Variants in GNAQ observed in about 807,000 individuals in gnomAD.
GNAQ encodes the protein guanine nucleotide-binding protein G(q) subunit alpha.
Under a neutral mutation model 43.9 loss-of-function variants are expected in GNAQ, and 8 were observed. The observed-to-expected ratio is 0.18, with a 90% CI of 0.11 to 0.33. The LOEUF is 0.33. Among genes scored for constraint, GNAQ ranks in the 10% least tolerant of loss-of-function variants. The probability of loss-of-function intolerance (pLI) is 1.00; values close to 1 mark genes in which losing one functional copy is unlikely to be tolerated. For missense variants in GNAQ, 158 were observed against 450.8 expected (o/e 0.35, Z 5.88); for synonymous variants, 155 against 170.7 (o/e 0.91, Z 0.71).
At chr9:77,726,087 T>C (rs1272310893) in intron 6 of GNAQ, among the ~76,000 whole-genome samples, 6 of 152,144 alleles carry the variant, frequency 3.9e-5, no homozygotes, top group Non-Finnish European at 8.8e-5. Context: ...TGTATTCAGG[T>C]AGATGTGTTT....
chr9:77,792,663 ACAT>A (rs539607359), intron 5 of GNAQ, among the ~76,000 whole-genome samples: 62 of 152,248 alleles, frequency 4.1e-4, no homozygotes, highest in Non-Finnish European at 7.4e-4. Context: ...GATAAGTATT[ACAT>A]CATGACATAT....
intron 2 of GNAQ, among the ~76,000 whole-genome samples, chr9:77,873,601 A>T (rs1273916102): frequency 6.6e-6 from 1 of 152,170 alleles, no homozygotes; most frequent in Non-Finnish European, 1.5e-5. Context: ...AAGGGATGGG[A>T]AAGACTGGCA....
intron 1 of GNAQ, among the ~76,000 whole-genome samples, chr9:78,013,462 G>A (rs557694120): frequency 5.1e-3 from 750 of 146,260 alleles, no homozygotes; most frequent in South Asian, 0.012. Flanking sequence ...ATCCCTCCCC[G>A]CTCCCCCCAC....
chr9:77,945,348 AAG>A (rs893923558), intron 1 of GNAQ, among the ~76,000 whole-genome samples: 16 of 150,896 alleles, frequency 1.1e-4, no homozygotes, highest in Admixed American at 2.6e-4. Context: ...TTTAAAAAAA[AAG>A]AGAGAGAGAG....
intron 5 of GNAQ, among the ~76,000 whole-genome samples, chr9:77,743,828 A>C (rs1454892392): frequency 6.6e-6 from 1 of 152,234 alleles, no homozygotes; most frequent in Non-Finnish European, 1.5e-5. Flanking sequence ...TAAGTGATTA[A>C]GGAACTGCTG....
At chr9:78,015,138 T>C (rs1346764754) in intron 1 of GNAQ, among the ~76,000 whole-genome samples, 1 of 152,232 alleles carries the variant, frequency 6.6e-6, no homozygotes, top group Non-Finnish European at 1.5e-5. Context: ...CTTTTATTAC[T>C]GAACCTTTTC....
chr9:77,918,917 C>A (rs1034132926), intron 2 of GNAQ, among the ~76,000 whole-genome samples: 4 of 152,042 alleles, frequency 2.6e-5, no homozygotes, highest in African/African-American at 9.7e-5. Flanking sequence ...TTGTTAAGCT[C>A]ACAAATAATT....
At chr9:77,767,777 A>C (rs963745711) in intron 5 of GNAQ, among the ~76,000 whole-genome samples, 1 of 152,148 alleles carries the variant, frequency 6.6e-6, no homozygotes, top group Non-Finnish European at 1.5e-5. Context: ...CCCCACCTTT[A>C]TGTCCTCTCA....
At chr9:77,761,581 G>A (rs1347078038) in intron 5 of GNAQ, among the ~76,000 whole-genome samples, 1 of 137,024 alleles carries the variant, frequency 7.3e-6, no homozygotes, top group African/African-American at 2.8e-5. Context: ...CAGCTGCCTC[G>A]CCCGGGAGGT....
intron 2 of GNAQ, among the ~76,000 whole-genome samples, chr9:77,909,503 T>C (rs958209292): frequency 1.3e-5 from 2 of 152,162 alleles, no homozygotes; most frequent in African/African-American, 4.8e-5. Flanking sequence ...CTCAGTACAG[T>C]CTTCTTTTTA....
chr9:77,933,367 A>T (rs1245817713), intron 1 of GNAQ, among the ~76,000 whole-genome samples: 1 of 152,230 alleles, frequency 6.6e-6, no homozygotes, highest in Non-Finnish European at 1.5e-5. Flanking sequence ...ACACACATTT[A>T]TAAAGTGGCA....
intron 2 of GNAQ, among the ~76,000 whole-genome samples, chr9:77,823,422 A>T (rs1418094683): frequency 6.6e-6 from 1 of 152,216 alleles, no homozygotes; most frequent in Non-Finnish European, 1.5e-5. Context: ...CACTGAGAGT[A>T]TAATAATATA....
chr9:77,852,762 C>T (rs889164075), intron 2 of GNAQ, among the ~76,000 whole-genome samples: 7 of 152,200 alleles, frequency 4.6e-5, no homozygotes, highest in Admixed American at 3.3e-4. Context: ...GAGGAAACCT[C>T]ACATTTTCAT....
intron 5 of GNAQ, among the ~76,000 whole-genome samples, chr9:77,742,787 C>T (rs1172373853): frequency 6.6e-6 from 1 of 152,090 alleles, no homozygotes; most frequent in East Asian, 1.9e-4. Flanking sequence ...GATGGAAGAT[C>T]ATTCAAGCAT....
At chr9:77,949,469 CA>C (rs1255547458) in intron 1 of GNAQ, among the ~76,000 whole-genome samples, 1 of 152,134 alleles carries the variant, frequency 6.6e-6, no homozygotes, top group African/African-American at 2.4e-5. Context: ...GGGCTCCCAG[CA>C]AATATGAACT....
Position 78,001,471 on chromosome 9 carries a change from G to A in GNAQ, c.136+29629C>T, listed in dbSNP as rs568571653. On this transcript the variant is annotated intron_variant, in intron 1 of 6. Coordinates refer to ENST00000286548, the MANE Select transcript of GNAQ (RefSeq NM_002072.5). The stretch of plus-strand genomic sequence containing the variant: ...ACAGCACCAAGATATATCCCCAAAT[G>A]GTGGATCATTAGAATGCATTTAATA... 5.9e-5 allele frequency among the ~76,000 whole-genome samples: 9 copies of A among 151,952 alleles called. 1 individual carries two copies. In the South Asian group the frequency reaches 1.9e-3, roughly 32 times the overall value.
intron 2 of GNAQ, among the ~76,000 whole-genome samples, chr9:77,873,864 G>T (rs1352528237): frequency 6.6e-6 from 1 of 152,132 alleles, no homozygotes; most frequent in Non-Finnish European, 1.5e-5. Context: ...CCAGCACTTT[G>T]GGAGGCCGAG....
chr9:77,800,362 G>A (rs1020561982), intron 3 of GNAQ, among the ~76,000 whole-genome samples: 22 of 151,916 alleles, frequency 1.4e-4, no homozygotes, highest in Non-Finnish European at 3.2e-4. Flanking sequence ...AGAAAATGTG[G>A]CACATATACA....
intron 1 of GNAQ, among the ~76,000 whole-genome samples, chr9:78,009,994 C>T (rs1296527038): frequency 2.6e-5 from 4 of 152,124 alleles, no homozygotes; most frequent in Admixed American, 1.3e-4. Context: ...GCCCTTTGCA[C>T]TAAAATTGCT....
Sources: allele counts gnomAD v4.1 joint callset (sites outside exome capture counted in the v4.1 genomes callset), GRCh38; gene constraint gnomAD v4.1.1; transcripts MANE v1.5; gene names NCBI Gene and HGNC (gene_info 2026-07-23, HGNC 2026-07-21).